The following HMCN1 variants were observed in gnomAD, a reference collection of about 807,000 sequenced individuals.
HMCN1 encodes hemicentin-1.
Under a neutral mutation model 625.9 loss-of-function variants are expected in HMCN1, and 321 were observed. That is an observed-to-expected ratio of 0.51 (90% CI 0.47 to 0.56). HMCN1 has a LOEUF of 0.56. HMCN1 is among the 20% of genes least tolerant of loss of function. The pLI is 0.00. For synonymous variants in HMCN1, 2,425 were observed against 2,417.6 expected, an observed-to-expected ratio of 1.00 and a Z score of -0.09; for missense variants, 6,588 against 6,887.3, an observed-to-expected ratio of 0.96 and a Z score of 1.54.
intron 80 of HMCN1, among the ~76,000 whole-genome samples, chr1:186,121,433 A>G (rs772892760): frequency 2.0e-5 from 3 of 152,156 alleles, no homozygotes; most frequent in Non-Finnish European, 4.4e-5. Flanking sequence ...GCAGAAGTGA[A>G]TGAGAAAACT....
intron 1 of HMCN1, among the ~76,000 whole-genome samples, chr1:185,845,258 C>G (rs1165744649): frequency 6.6e-6 from 1 of 152,114 alleles, no homozygotes; most frequent in Non-Finnish European, 1.5e-5. Context: ...CTCGCTGTCT[C>G]CCAGGCTGTA....
chr1:186,114,682 G>T, intron 73 of HMCN1, 137 bp from the exon 74 acceptor site: 1 of 970,342 alleles, frequency 1.0e-6, no homozygotes, highest in Non-Finnish European at 1.6e-6. Context: ...TCCACCAAGG[G>T]TATCATAAAC....
At chr1:185,785,556 G>A (rs1657507124) in intron 1 of HMCN1, among the ~76,000 whole-genome samples, 1 of 152,138 alleles carries the variant, frequency 6.6e-6, no homozygotes, top group East Asian at 1.9e-4. Flanking sequence ...ACAAAATATT[G>A]AAAATTGTTT....
In HMCN1 at chr1:186,095,245, C is replaced by A; in HGVS notation, c.10297C>A (p.Pro3433Thr). 1 of 1,613,624 alleles carries A rather than the reference C, an allele frequency of 6.2e-7. No individual in the cohort carries two copies. The highest frequency in any genetic ancestry group is 8.5e-7 in the Non-Finnish European group (1 of 1,179,746). Reference sequence around the variant, plus strand: ...TGCCCATGTTGTTTTCTATGTAGCACCACCAAATATGGACAATTCAATGGG... The same window carrying A: ...TGCCCATGTTGTTTTCTATGTAGCAACACCAAATATGGACAATTCAATGGG... ...NKHYNLQVFAPPNMDNSMGTE... is the reference protein window; with the variant it reads ...NKHYNLQVFATPNMDNSMGTE... The change falls in exon 68 of 107, where the codon CCA (proline) becomes ACA (threonine). Residue 3433 changes from proline to threonine, a missense_variant and splice_region_variant. Coordinates refer to ENST00000271588, the MANE Select transcript of HMCN1 (RefSeq NM_031935.3).
Position 185,962,145 on chromosome 1 carries a change from A to G in HMCN1, c.1829-373A>G, listed in dbSNP as rs558373918. On this transcript the variant is annotated intron_variant, in intron 11 of 106. Coordinates refer to ENST00000271588, the MANE Select transcript of HMCN1 (RefSeq NM_031935.3). The stretch of plus-strand genomic sequence containing the variant: ...GGACAAGTTGTGGCTCCAATCCTAC[A>G]TTCATTGTCTAGAAAGAGCCAAAAA... 1.7e-4 allele frequency among the ~76,000 whole-genome samples: 26 copies of G among 152,308 alleles called. No homozygotes were observed. The South Asian group carries it at 5.2e-3, about 30-fold the overall frequency.
At chr1:186,123,332 A>G (rs1661487937) in intron 81 of HMCN1, 112 bp downstream of exon 81, 7 of 1,275,398 alleles carry the variant, frequency 5.5e-6, no homozygotes, top group Non-Finnish European at 7.7e-6. Flanking sequence ...CAGTAATCCA[A>G]AGTGTGTGTG....
intron 21 of HMCN1, among the ~76,000 whole-genome samples, 169 bp from the exon 22 acceptor site, chr1:185,990,106 T>C (rs1270430656): frequency 2.0e-5 from 3 of 152,214 alleles, no homozygotes; most frequent in South Asian, 2.1e-4. Context: ...TCGTCATTTC[T>C]CTTTTAGTTC....
At chr1:186,131,418 T>C (rs1353644148) in intron 85 of HMCN1, among the ~76,000 whole-genome samples, 1 of 152,142 alleles carries the variant, frequency 6.6e-6, no homozygotes, top group Non-Finnish European at 1.5e-5. Context: ...CCTTTTCCTC[T>C]ATTACTATTT....
intron 61 of HMCN1, 65 bp downstream of exon 61, chr1:186,088,078 A>T (rs536764251): frequency 2.1e-4 from 341 of 1,610,202 alleles, no homozygotes; most frequent in Non-Finnish European, 2.8e-4. Flanking sequence ...AGTGTTCCAA[A>T]TTAGCTTAAT....
chr1:186,178,483 C>G lies in HMCN1; in HGVS notation c.16011C>G (p.Phe5337Leu). 6.2e-7 allele frequency: 1 copy of G among 1,614,102 alleles called. No homozygotes were observed. Among genetic ancestry groups the G allele is most frequent in the Non-Finnish European group, 8.5e-7 (1 of 1,180,000 alleles). Reference protein sequence around the residue: ...AHQCSNTPGSFKCICPPGQHL... With the variant: ...AHQCSNTPGSLKCICPPGQHL... Reference sequence around the variant, plus strand: ...AGTGCTCCAACACCCCCGGCAGCTTCAAGTGTATCTGTCCACCAGGACAAC... The same window carrying G: ...AGTGCTCCAACACCCCCGGCAGCTTGAAGTGTATCTGTCCACCAGGACAAC... The change falls in exon 104 of 107, where the codon TTC (phenylalanine) becomes TTG (leucine). Residue 5337 changes from phenylalanine to leucine, a missense_variant. Coordinates refer to ENST00000271588, the MANE Select transcript of HMCN1 (RefSeq NM_031935.3).
rs150723704 is a variant in HMCN1 at position 185,902,335 on chromosome 1, T to A, written c.622-7002T>A. On this transcript the variant is annotated intron_variant, in intron 4 of 106. Coordinates refer to ENST00000271588, the MANE Select transcript of HMCN1 (RefSeq NM_031935.3). ...CTAAACTGTCCCTCCCATCTCCCTA[T>A]GAAAATCTGGCCAAACTATGACCCT... 4.9e-4 allele frequency among the ~76,000 whole-genome samples: 74 copies of A among 151,646 alleles called. No individual in the cohort carries two copies. In the East Asian group the frequency reaches 0.011, roughly 23 times the overall value.
Position 185,982,405 on chromosome 1 carries a change from A to G in HMCN1, c.2790+16A>G. The G allele has an allele frequency of 6.2e-7, 1 of 1,606,386 alleles. No individual in the cohort carries two copies. The highest frequency in any genetic ancestry group is 8.5e-7 in the Non-Finnish European group (1 of 1,174,006). On this transcript the variant is annotated intron_variant, in intron 18 of 106. Coordinates refer to ENST00000271588, the MANE Select transcript of HMCN1 (RefSeq NM_031935.3). ...TTCAGCTATGGTAAGAACATTTTAA[A>G]TGCATGCATTCACATTCTTTTGTGA...
intron 100 of HMCN1, among the ~76,000 whole-genome samples, chr1:186,167,314 A>C (rs888572025): frequency 2.0e-5 from 3 of 152,194 alleles, no homozygotes; most frequent in African/African-American, 7.2e-5. Flanking sequence ...ATGTTTGTTG[A>C]ATGATGTTTT....
intron 4 of HMCN1, among the ~76,000 whole-genome samples, chr1:185,889,025 A>G (rs1336783824): frequency 2.8e-5 from 4 of 144,670 alleles, no homozygotes; most frequent in African/African-American, 1.1e-4. Flanking sequence ...GGTCCTTCAC[A>G]TCCCTTGTAA....
At chr1:185,932,310 T>A (rs1326587627) in intron 10 of HMCN1, among the ~76,000 whole-genome samples, 2 of 152,188 alleles carry the variant, frequency 1.3e-5, no homozygotes, top group Non-Finnish European at 2.9e-5. Context: ...CATATATCAC[T>A]CAGAGATAAC....
At chr1:186,111,717 A>T (rs781449949) in intron 71 of HMCN1, among the ~76,000 whole-genome samples, 9 of 152,236 alleles carry the variant, frequency 5.9e-5, no homozygotes, top group Non-Finnish European at 1.3e-4. Context: ...AAGTTAAAAA[A>T]TAAAATATTT....
intron 1 of HMCN1, among the ~76,000 whole-genome samples, chr1:185,824,906 G>C (rs1660417238): frequency 6.6e-6 from 1 of 152,014 alleles, no homozygotes; most frequent in Non-Finnish European, 1.5e-5. Flanking sequence ...TTCTGAGCAA[G>C]AGTTAACACT....
chr1:185,871,228 CAA>C (rs556627020), intron 4 of HMCN1, among the ~76,000 whole-genome samples: 1,147 of 67,308 alleles, frequency 0.017, 14 homozygotes, highest in African/African-American at 0.05. Flanking sequence ...GACTCCGTCT[CAA>C]AAAAAAAAAA....
At chr1:186,127,719 T>G (rs1249094389) in intron 82 of HMCN1, among the ~76,000 whole-genome samples, 1 of 152,142 alleles carries the variant, frequency 6.6e-6, no homozygotes, top group East Asian at 1.9e-4. Context: ...TGGTACCGCC[T>G]TAGAGAGCCA....
Sources: allele counts gnomAD v4.1 joint callset (sites outside exome capture counted in the v4.1 genomes callset), GRCh38; gene constraint gnomAD v4.1.1; transcripts MANE v1.5; gene names NCBI Gene and HGNC (gene_info 2026-07-23, HGNC 2026-07-21).